Variants in SBF2 observed in about 807,000 individuals in gnomAD.
The protein encoded by SBF2 is SET binding factor 2.
SBF2 carries 112 observed loss-of-function variants against 225.2 expected under a neutral mutation model. The observed-to-expected ratio is 0.50, with a 90% confidence interval of 0.43 to 0.58. The LOEUF is 0.58. SBF2 is among the 20% of genes least tolerant of loss of function. The pLI is 0.00. For synonymous variants in SBF2, 763 were observed against 773.3 expected (o/e 0.99, Z 0.22); for missense variants, 1,996 against 2,206.2 (o/e 0.90, Z 1.91).
chr11:10,115,983 G>A (rs935979468), intron 2 of SBF2, among the ~76,000 whole-genome samples: 5 of 152,010 alleles, frequency 3.3e-5, no homozygotes, highest in African/African-American at 7.2e-5. Flanking sequence ...TGGCTAACAC[G>A]GTGAAACCCC....
chr11:10,038,112 T>A (rs1223837047), intron 3 of SBF2, among the ~76,000 whole-genome samples: 1 of 151,950 alleles, frequency 6.6e-6, no homozygotes, highest in Non-Finnish European at 1.5e-5. Context: ...CCCATAATTG[T>A]TTTTACCCTT....
chr11:10,185,691 C>T (rs1264657884), intron 2 of SBF2, among the ~76,000 whole-genome samples: 1 of 150,492 alleles, frequency 6.6e-6, no homozygotes, highest in African/African-American at 2.4e-5. Flanking sequence ...ATATGCATTT[C>T]CTTAATAATT....
At chr11:10,246,052 T>C (rs918204324) in intron 1 of SBF2, among the ~76,000 whole-genome samples, 2 of 152,172 alleles carry the variant, frequency 1.3e-5, no homozygotes, top group Non-Finnish European at 2.9e-5. Flanking sequence ...TAGAGATCTA[T>C]TGTCCGACAT....
chr11:9,878,473 C>T (rs1859473250), intron 17 of SBF2, among the ~76,000 whole-genome samples: 1 of 152,142 alleles, frequency 6.6e-6, no homozygotes, highest in South Asian at 2.1e-4. Flanking sequence ...TTGCCCATGC[C>T]AATGGCCTGA....
intron 28 of SBF2, chr11:9,828,709 T>A: frequency 3.5e-6 from 3 of 851,842 alleles, no homozygotes; most frequent in Non-Finnish European, 4.2e-6. Flanking sequence ...AAAATCATAA[T>A]AGGCTGCAGA....
intron 16 of SBF2, chr11:9,959,515 C>T (rs1247229019): frequency 1.2e-6 from 1 of 806,128 alleles, no homozygotes; most frequent in East Asian, 2.4e-5. Context: ...GAAAACTTCA[C>T]AGAACACCAG....
chr11:9,793,947 T>C (rs765212519), intron 33 of SBF2, among the ~76,000 whole-genome samples: 1 of 152,236 alleles, frequency 6.6e-6, no homozygotes, highest in Admixed American at 6.5e-5. Context: ...ATCAGCTTAA[T>C]TCAGCAAAAC....
intron 28 of SBF2, chr11:9,828,071 GCTTT>G: frequency 9.6e-7 from 1 of 1,043,812 alleles, no homozygotes; most frequent in South Asian, 1.5e-5. Context: ...CTAGAAAAAT[GCTTT>G]CTGCTTTTAA....
Position 10,094,029 on chromosome 11 carries a change from CTATAAA to C in SBF2, c.142-51054_142-51049del, listed in dbSNP as rs538144312. Reference sequence around the variant, plus strand: ...ACTTCTCAGAGTTTCCTAAAAGTTCCTATAAATATATTAACTTTTGGCCGGGTGCGG... The same window carrying C: ...ACTTCTCAGAGTTTCCTAAAAGTTCCTATATTAACTTTTGGCCGGGTGCGG... On this transcript the variant is annotated intron_variant, in intron 2 of 39. Coordinates refer to ENST00000256190, the MANE Select transcript of SBF2 (RefSeq NM_030962.4). Among the ~76,000 whole-genome samples, 576 of 152,280 alleles carry C rather than the reference CTATAAA, an allele frequency of 3.8e-3. 4 individuals are homozygous for C. Among genetic ancestry groups the C allele is most frequent in the South Asian group, 5.4e-3 (26 of 4,826 alleles).
At chr11:9,978,665 C>A (rs1946807559) in intron 13 of SBF2, among the ~76,000 whole-genome samples, 1 of 152,004 alleles carries the variant, frequency 6.6e-6, no homozygotes, top group South Asian at 2.1e-4. Flanking sequence ...GTTTTTGAGA[C>A]AGGGTCTCAC....
intron 2 of SBF2, among the ~76,000 whole-genome samples, chr11:10,077,273 G>C (rs534454432): frequency 5.3e-5 from 8 of 152,200 alleles, no homozygotes; most frequent in Middle Eastern, 3.4e-3. Context: ...AGCTACCAAT[G>C]ACTTTCTTCA....
intron 16 of SBF2, among the ~76,000 whole-genome samples, chr11:9,899,316 T>C (rs1157642954): frequency 1.4e-5 from 2 of 143,054 alleles, no homozygotes; most frequent in Non-Finnish European, 3.0e-5. Flanking sequence ...CAATATAGGG[T>C]GACTCTGCTT....
chr11:10,116,366 G>T (rs1476546020), intron 2 of SBF2, among the ~76,000 whole-genome samples: 2 of 152,084 alleles, frequency 1.3e-5, no homozygotes, highest in Non-Finnish European at 2.9e-5. Flanking sequence ...CATATACCAG[G>T]TAAGGCATTT....
intron 2 of SBF2, among the ~76,000 whole-genome samples, chr11:10,054,822 A>G (rs918630212): frequency 6.6e-6 from 1 of 152,188 alleles, no homozygotes; most frequent in East Asian, 1.9e-4. Flanking sequence ...ATCACTAATC[A>G]TTAGGAAAAT....
intron 17 of SBF2, among the ~76,000 whole-genome samples, chr11:9,861,981 C>T (rs936166105): frequency 6.6e-6 from 1 of 152,194 alleles, no homozygotes; most frequent in Non-Finnish European, 1.5e-5. Flanking sequence ...AACCCACAGC[C>T]TGTTTACTAG....
chr11:9,829,647 C>T, intron 27 of SBF2, 151 bp from the exon 28 acceptor site: 6 of 672,302 alleles, frequency 8.9e-6, no homozygotes. Context: ...ACCAGCCCCA[C>T]TTAAATTGCC....
intron 1 of SBF2, among the ~76,000 whole-genome samples, chr11:10,203,419 C>T (rs1957636452): frequency 6.6e-6 from 1 of 152,142 alleles, no homozygotes; most frequent in African/African-American, 2.4e-5. Context: ...TAAAATGTTG[C>T]TGTAGATCTA....
intron 1 of SBF2, among the ~76,000 whole-genome samples, chr11:10,222,476 C>T (rs1668324946): frequency 6.6e-6 from 1 of 152,034 alleles, no homozygotes. Flanking sequence ...CTGAAAAATA[C>T]AGTATCTAAA....
intron 2 of SBF2, among the ~76,000 whole-genome samples, chr11:10,169,513 G>C (rs188666534): frequency 1.3e-5 from 2 of 152,142 alleles, no homozygotes; most frequent in Admixed American, 1.3e-4. Context: ...ACAGAATCTC[G>C]TTCTTCTTAT....
Sources: gnomAD v4.1 joint callset for allele counts (sites outside exome capture counted in the v4.1 genomes callset) on GRCh38, gnomAD v4.1.1 for gene constraint, MANE v1.5 for transcripts, NCBI Gene and HGNC (gene_info 2026-07-23, HGNC 2026-07-21) for gene names.